Variants in CEP170 observed in about 807,000 individuals in gnomAD.
CEP170 encodes the protein centrosomal protein of 170 kDa.
A neutral mutation model predicts 151.9 loss-of-function variants in CEP170; 21 were observed. That is an observed-to-expected ratio of 0.14 (90% CI 0.10 to 0.20). CEP170 has a LOEUF of 0.20. Among genes scored for constraint, CEP170 ranks in the 10% least tolerant of loss-of-function variants. The pLI is 1.00. For missense variants in CEP170, 964 were observed against 1,892.9 expected (o/e 0.51, Z 9.11); for synonymous variants, 356 against 648.8 (o/e 0.55, Z 6.86).
chr1:243,255,298 C>G (rs2066535225), upstream of CEP170: 1 of 152,950 alleles, frequency 6.5e-6, no homozygotes, highest in East Asian at 1.9e-4. Flanking sequence ...GAGCCGGACC[C>G]TATCCCCTCC....
chr1:243,208,386 C>T (rs1482933561), intron 4 of CEP170, among the ~76,000 whole-genome samples: 2 of 152,040 alleles, frequency 1.3e-5, no homozygotes, highest in African/African-American at 2.4e-5. Context: ...AAAACAAAAA[C>T]GCCTCCAAAG....
intron 4 of CEP170, among the ~76,000 whole-genome samples, chr1:243,208,067 C>T (rs2061537154): frequency 1.3e-5 from 2 of 152,024 alleles, no homozygotes; most frequent in Admixed American, 1.3e-4. Context: ...GGATGCCTTC[C>T]TTTTTCATAT....
At chr1:243,129,049 CTT>C (rs1167781624) in intron 18 of CEP170, among the ~76,000 whole-genome samples, 1 of 151,938 alleles carries the variant, frequency 6.6e-6, no homozygotes, top group East Asian at 1.9e-4. Context: ...ACGGAAACGA[CTT>C]ATGTCAACTT....
intron 13 of CEP170, among the ~76,000 whole-genome samples, chr1:243,162,035 G>C (rs1431423957): frequency 6.6e-6 from 1 of 152,136 alleles, no homozygotes; most frequent in East Asian, 1.9e-4. Context: ...TGGGTATCTT[G>C]AGAGAATCTG....
At chr1:243,182,619 A>T (rs964277888) in intron 10 of CEP170, among the ~76,000 whole-genome samples, 1 of 152,170 alleles carries the variant, frequency 6.6e-6, no homozygotes, top group African/African-American at 2.4e-5. Flanking sequence ...CCTCAGTATG[A>T]TATATAATGA....
intron 1 of CEP170, among the ~76,000 whole-genome samples, chr1:243,238,079 T>C (rs983756346): frequency 2.0e-5 from 3 of 152,180 alleles, no homozygotes; most frequent in Admixed American, 6.5e-5. Context: ...TTTACCAGAA[T>C]GCCATGAGGT....
intron 14 of CEP170, among the ~76,000 whole-genome samples, chr1:243,150,760 C>T (rs1322044955): frequency 2.0e-5 from 3 of 152,234 alleles, no homozygotes; most frequent in Non-Finnish European, 2.9e-5. Flanking sequence ...CTGTATCCCT[C>T]TTAAATATAA....
At chr1:243,168,803 G>C (rs187423453) in intron 12 of CEP170, among the ~76,000 whole-genome samples, 1,679 of 151,704 alleles carry the variant, frequency 0.011, 10 homozygotes, top group Non-Finnish European at 0.017. Flanking sequence ...ACTTCATTTT[G>C]TTTAAAAAGC....
intron 4 of CEP170, chr1:243,211,682 C>G (rs1197209561): frequency 3.8e-6 from 2 of 529,844 alleles, no homozygotes; most frequent in Admixed American, 7.7e-5. Context: ...AAAAAAAAAG[C>G]TGAGTCCACC....
intron 3 of CEP170, among the ~76,000 whole-genome samples, chr1:243,215,916 T>C (rs1194590062): frequency 6.6e-6 from 1 of 152,054 alleles, no homozygotes; most frequent in Non-Finnish European, 1.5e-5. Flanking sequence ...TTGTACTCTT[T>C]CCCTTTATTT....
chr1:243,205,429 C>T (rs2061346003), intron 4 of CEP170, among the ~76,000 whole-genome samples: 1 of 152,188 alleles, frequency 6.6e-6, no homozygotes, highest in African/African-American at 2.4e-5. Flanking sequence ...AGCTACTCAA[C>T]TCTGCAGCGG....
intron 10 of CEP170, among the ~76,000 whole-genome samples, chr1:243,181,353 A>C (rs556610697): frequency 3.0e-4 from 46 of 152,294 alleles, no homozygotes; most frequent in African/African-American, 9.9e-4. Flanking sequence ...AAAACTTAAG[A>C]GGTCTTTATC....
chr1:243,219,008 C>T (rs547619084), intron 3 of CEP170, among the ~76,000 whole-genome samples: 4 of 152,140 alleles, frequency 2.6e-5, no homozygotes, highest in South Asian at 4.2e-4. Context: ...AAATAGGCTG[C>T]GAATAATAGT....
chr1:243,143,867 A>AT (rs2056169406), intron 14 of CEP170, among the ~76,000 whole-genome samples: 2 of 152,188 alleles, frequency 1.3e-5, no homozygotes, highest in Admixed American at 1.3e-4. Flanking sequence ...TTAAAGTAAC[A>AT]TTTTTTAAAC....
At chr1:243,234,727 C>T (rs2064104241) in intron 1 of CEP170, among the ~76,000 whole-genome samples, 2 of 152,084 alleles carry the variant, frequency 1.3e-5, no homozygotes, top group Admixed American at 1.3e-4. Context: ...TTTGATGCCA[C>T]GTATTTCTGA....
chr1:243,249,151 C>A (rs555768940), intron 1 of CEP170, among the ~76,000 whole-genome samples: 1 of 151,970 alleles, frequency 6.6e-6, no homozygotes, highest in Admixed American at 6.6e-5. Flanking sequence ...CATGGCCAGG[C>A]GTGGTGGTTC....
intron 19 of CEP170, among the ~76,000 whole-genome samples, chr1:243,127,062 T>C (rs1336146186): frequency 6.6e-6 from 1 of 152,180 alleles, no homozygotes; most frequent in African/African-American, 2.4e-5. Flanking sequence ...GAGAAAATAC[T>C]GAATATGATT....
chr1:243,191,100 A>G lies in CEP170; in HGVS notation c.1026T>C (p.Pro342=). The change falls in exon 8 of 20, where the codon CCT becomes CCC. Residue 342 remains proline, a synonymous_variant. Transcript: ENST00000366542. ...CTGTTCTTTCCCATAGCATTTGAGGAGGGTTGTTTTGTGCTAGCCAGTCAG... is the reference window on the plus strand; with the variant it reads ...CTGTTCTTTCCCATAGCATTTGAGGGGGGTTGTTTTGTGCTAGCCAGTCAG... ...KVADWLAQNN[P]PQMLWERTEE... The G allele has an allele frequency of 6.8e-6, 11 of 1,613,254 alleles. No individual in the cohort carries two copies. Among genetic ancestry groups the G allele is most frequent in the Non-Finnish European group, 5.1e-6 (6 of 1,179,480 alleles).
At chr1:243,201,913 G>GAAATATTA (rs2061064989) in intron 4 of CEP170, among the ~76,000 whole-genome samples, 1 of 151,968 alleles carries the variant, frequency 6.6e-6, no homozygotes, top group Admixed American at 6.6e-5. Flanking sequence ...CTATAGCTTT[G>GAAATATTA]AAATATTAAA....
Sources: gnomAD v4.1 joint callset for allele counts (sites outside exome capture counted in the v4.1 genomes callset) on GRCh38, gnomAD v4.1.1 for gene constraint, MANE v1.5 for transcripts, NCBI Gene and HGNC (gene_info 2026-07-23, HGNC 2026-07-21) for gene names.